Variants in CPNE8 observed in about 807,000 individuals in gnomAD.
The protein encoded by CPNE8 is copine 8, also known as copine-8.
In CPNE8, 45 loss-of-function variants were observed where a neutral mutation model predicts 81.5. That is an observed-to-expected ratio of 0.55 (90% CI 0.44 to 0.71). The LOEUF is 0.71. CPNE8 is among the 30% of genes least tolerant of loss of function. The pLI, the probability that CPNE8 is intolerant of heterozygous loss-of-function variation, is 0.00. For missense variants in CPNE8, 594 were observed against 672.1 expected, an observed-to-expected ratio of 0.88 and a Z score of 1.28; for synonymous variants, 252 against 226.3, an observed-to-expected ratio of 1.11 and a Z score of -1.02.
chr12:38,890,913 G>GTA (rs1944305096), intron 1 of CPNE8, among the ~76,000 whole-genome samples: 1 of 147,682 alleles, frequency 6.8e-6, no homozygotes, highest in Admixed American at 6.8e-5. Context: ...ATATATATAT[G>GTA]TATATATATA....
chr12:38,903,348 A>C (rs1036757757), intron 1 of CPNE8, among the ~76,000 whole-genome samples: 7 of 152,146 alleles, frequency 4.6e-5, no homozygotes, highest in Non-Finnish European at 1.5e-5. Flanking sequence ...CCTGTTAGAA[A>C]TCTTAAAAAT....
At chr12:38,850,859 T>C (rs2137061318) in intron 3 of CPNE8, among the ~76,000 whole-genome samples, 1 of 152,334 alleles carries the variant, frequency 6.6e-6, no homozygotes, top group Non-Finnish European at 1.5e-5. Flanking sequence ...GGTTATTTCA[T>C]CTGTTCCTGC....
At chr12:38,724,454 C>T (rs1940646389) in intron 12 of CPNE8, among the ~76,000 whole-genome samples, 1 of 152,118 alleles carries the variant, frequency 6.6e-6, no homozygotes, top group Non-Finnish European at 1.5e-5. Flanking sequence ...TGAGCACATA[C>T]ACATCCCACG....
intron 6 of CPNE8, among the ~76,000 whole-genome samples, chr12:38,817,038 A>G (rs1178418381): frequency 1.3e-5 from 2 of 152,220 alleles, no homozygotes; most frequent in Non-Finnish European, 2.9e-5. Flanking sequence ...AATGAATACA[A>G]ACACTAACAG....
At chr12:38,860,562 CAAAAAA>C (rs112847958) in intron 3 of CPNE8, among the ~76,000 whole-genome samples, 2 of 145,090 alleles carry the variant, frequency 1.4e-5, no homozygotes, top group Non-Finnish European at 3.0e-5. Flanking sequence ...GAGTATATAT[CAAAAAA>C]AAAAAAACTC....
At chr12:38,789,956 A>G (rs1942283783) in intron 6 of CPNE8, among the ~76,000 whole-genome samples, 1 of 151,740 alleles carries the variant, frequency 6.6e-6, no homozygotes, top group South Asian at 2.1e-4. Context: ...AAATGCTAGC[A>G]AGAATGTGAA....
intron 7 of CPNE8, among the ~76,000 whole-genome samples, chr12:38,772,413 A>T (rs1296802732): frequency 6.6e-6 from 1 of 152,190 alleles, no homozygotes; most frequent in African/African-American, 2.4e-5. Flanking sequence ...ACTAAAAATA[A>T]ATAAAAATAA....
At chr12:38,905,663 C>T (rs1944560695), upstream of CPNE8, 1 of 1,479,832 alleles carries the variant, frequency 6.8e-7, no homozygotes, top group Non-Finnish European at 9.0e-7. Flanking sequence ...AGGCAGCGCG[C>T]GGGATGGGGG....
At position 38,872,985 on chromosome 12, in the gene CPNE8, A is replaced by C; in HGVS notation, c.186+19T>G. The C allele has an allele frequency of 7.1e-7, 1 of 1,412,870 alleles. No homozygotes were observed. The highest frequency in any genetic ancestry group is 1.0e-6 in the Non-Finnish European group (1 of 1,002,994). 87.5% of individuals were successfully genotyped at this position (1,412,870 alleles called of 1,614,324 possible). On this transcript the variant is annotated intron_variant, in intron 3 of 19. Coordinates refer to ENST00000331366, the MANE Select transcript of CPNE8 (RefSeq NM_153634.3). ...TATCTTCAAGCCCAGTGATTTTTTT[A>C]AAAAAGTTTTAAACTTACCTCTCTC...
chr12:38,773,151 A>G (rs1941843146), intron 7 of CPNE8, among the ~76,000 whole-genome samples: 1 of 152,012 alleles, frequency 6.6e-6, no homozygotes, highest in Non-Finnish European at 1.5e-5. Flanking sequence ...GTTTCCCGGG[A>G]TTGAGGGGAA....
chr12:38,770,683 C>T (rs1484671919), intron 7 of CPNE8, among the ~76,000 whole-genome samples: 1 of 152,178 alleles, frequency 6.6e-6, no homozygotes, highest in Non-Finnish European at 1.5e-5. Context: ...GCTCAATCAA[C>T]TCCCACTGCT....
intron 6 of CPNE8, among the ~76,000 whole-genome samples, chr12:38,807,443 C>T (rs1942835632): frequency 2.0e-5 from 3 of 151,976 alleles, no homozygotes; most frequent in African/African-American, 4.8e-5. Flanking sequence ...TCAGAAATAA[C>T]ACTGCATGTC....
intron 4 of CPNE8, among the ~76,000 whole-genome samples, chr12:38,842,263 G>A (rs1206477432): frequency 2.0e-5 from 3 of 152,032 alleles, no homozygotes; most frequent in Non-Finnish European, 2.9e-5. Context: ...ATTGAAATTA[G>A]CAACTTAAAC....
At chr12:38,832,682 T>C (rs150453998) in intron 5 of CPNE8, among the ~76,000 whole-genome samples, 2,083 of 152,066 alleles carry the variant, frequency 0.014, 21 homozygotes, top group Non-Finnish European at 0.023. Context: ...CAAATATTTA[T>C]GGCACTCTCA....
At chr12:38,709,445 C>T (rs941299523) in intron 13 of CPNE8, among the ~76,000 whole-genome samples, 5 of 152,172 alleles carry the variant, frequency 3.3e-5, no homozygotes, top group African/African-American at 1.2e-4. Flanking sequence ...TTGTGAGATG[C>T]ACAAATGCAA....
intron 6 of CPNE8, among the ~76,000 whole-genome samples, chr12:38,792,816 T>C (rs1231954242): frequency 2.6e-5 from 4 of 151,884 alleles, no homozygotes; most frequent in Non-Finnish European, 4.4e-5. Context: ...CTGATGAATA[T>C]TGATGCAAAA....
At chr12:38,710,630 C>G (rs1157929058) in intron 13 of CPNE8, among the ~76,000 whole-genome samples, 1 of 152,144 alleles carries the variant, frequency 6.6e-6, no homozygotes, top group Non-Finnish European at 1.5e-5. Context: ...TCTACTGGTT[C>G]ATGCTAACAC....
At chr12:38,799,002 T>A (rs932768588) in intron 6 of CPNE8, among the ~76,000 whole-genome samples, 3 of 152,116 alleles carry the variant, frequency 2.0e-5, no homozygotes, top group African/African-American at 7.2e-5. Flanking sequence ...GAGCTAACTG[T>A]CCTAAATATA....
intron 14 of CPNE8, among the ~76,000 whole-genome samples, chr12:38,697,744 GA>G (rs56867780): frequency 0.49 from 74,520 of 151,670 alleles, 19,575 homozygotes; most frequent in East Asian, 0.8. Context: ...AGTAATGAGG[GA>G]AGTTCTCACT....
Sources: gnomAD v4.1 joint callset for allele counts (sites outside exome capture counted in the v4.1 genomes callset) on GRCh38, gnomAD v4.1.1 for gene constraint, MANE v1.5 for transcripts, NCBI Gene and HGNC (gene_info 2026-07-23, HGNC 2026-07-21) for gene names.